ZC3H12C: variants seen among roughly 807,000 people sequenced by gnomAD.
ZC3H12C encodes the protein probable ribonuclease ZC3H12C.
Under a neutral mutation model 76.3 loss-of-function variants are expected in ZC3H12C, and 20 were observed. The ratio of observed to expected loss-of-function variants is 0.26; its 90% CI spans 0.18 to 0.38. ZC3H12C has a LOEUF of 0.38. ZC3H12C is among the 10% of genes least tolerant of loss of function. ZC3H12C has a pLI of 1.00. For missense variants in ZC3H12C, 874 were observed against 1,086.5 expected (o/e 0.80, Z 2.75); for synonymous variants, 352 against 399.6 (o/e 0.88, Z 1.42).
rs1048229303 is a variant in ZC3H12C, at chr11:110,124,754, T to C, written c.22-11909T>C. ...ACAGGGCCAGAGGAGGCCCCGTTTG[T>C]AGATGGAGCCTCGAAAACAAAACAA... is the stretch of plus-strand genomic sequence containing the variant. On this transcript the variant is annotated intron_variant, in intron 1 of 5. Transcript: ENST00000278590. Among the ~76,000 whole-genome samples, 42 of 152,050 alleles carry C rather than the reference T, an allele frequency of 2.8e-4. 3 individuals carry two copies.
intron 1 of ZC3H12C, among the ~76,000 whole-genome samples, chr11:110,125,605 A>G (rs1041924800): frequency 2.0e-5 from 3 of 152,306 alleles, no homozygotes; most frequent in Admixed American, 2.0e-4. Context: ...GGCGTGAGCC[A>G]CCATGGCCAG....
intron 1 of ZC3H12C, among the ~76,000 whole-genome samples, chr11:110,128,729 G>A (rs1861802199): frequency 6.6e-6 from 1 of 151,910 alleles, no homozygotes; most frequent in Non-Finnish European, 1.5e-5. Flanking sequence ...ACTTTGTGTG[G>A]ATATATGTTA....
chr11:110,102,849 C>T (rs993571223), intron 1 of ZC3H12C, among the ~76,000 whole-genome samples: 6 of 152,198 alleles, frequency 3.9e-5, no homozygotes, highest in African/African-American at 1.4e-4. Context: ...GACCTTTCAC[C>T]AGCAAAAGGA....
rs558623442 is a variant in ZC3H12C at position 110,112,700 on chromosome 11, T to A, written c.21+19268T>A. The stretch of plus-strand genomic sequence containing the variant: ...AGGCCCTTTTCCTTGCCTTTCACTC[T>A]CCACTCCCAGTCAGTCCTGGCTCAC... On this transcript the variant is annotated intron_variant, in intron 1 of 5. Coordinates refer to ENST00000278590, the MANE Select transcript of ZC3H12C (RefSeq NM_033390.2). Among the ~76,000 whole-genome samples the A allele has an allele frequency of 4.6e-5, 7 of 152,268 alleles. No homozygotes were observed. The South Asian group carries it at 1.5e-3, about 32-fold the overall frequency.
chr11:110,113,456 G>T (rs1046791483), intron 1 of ZC3H12C, among the ~76,000 whole-genome samples: 5 of 139,542 alleles, frequency 3.6e-5, no homozygotes, highest in East Asian at 2.2e-4. Context: ...TTAGTAAAAA[G>T]CACATATTTT....
chr11:110,152,437 C>T (rs1862289043), intron 2 of ZC3H12C, among the ~76,000 whole-genome samples: 1 of 152,154 alleles, frequency 6.6e-6, no homozygotes, highest in Non-Finnish European at 1.5e-5. Flanking sequence ...AAAGTTTGTG[C>T]AGTATTCAGT....
At chr11:110,116,637 A>G (rs944687640) in intron 1 of ZC3H12C, among the ~76,000 whole-genome samples, 2 of 152,126 alleles carry the variant, frequency 1.3e-5, no homozygotes, top group South Asian at 2.1e-4. Context: ...CAGGTTTTCT[A>G]TTTTTCTGTA....
intron 1 of ZC3H12C, among the ~76,000 whole-genome samples, chr11:110,126,219 T>C (rs615090): frequency 0.073 from 2,368 of 32,586 alleles, 107 homozygotes; most frequent in East Asian, 0.1. Flanking sequence ...TTTTCTTCTT[T>C]TTTTTTTTTT....
chr11:110,094,344 T>A (rs796150151), intron 1 of ZC3H12C, among the ~76,000 whole-genome samples: 10 of 152,262 alleles, frequency 6.6e-5, no homozygotes, highest in Non-Finnish European at 1.0e-4. Flanking sequence ...AGACTTTTTT[T>A]AAACCATTTT....
intron 1 of ZC3H12C, among the ~76,000 whole-genome samples, chr11:110,120,511 G>A (rs970007433): frequency 2.6e-4 from 39 of 152,158 alleles, no homozygotes; most frequent in African/African-American, 9.4e-4. Flanking sequence ...CAAAGAAAAG[G>A]ACACTTGACT....
chr11:110,116,291 T>C (rs897657033), intron 1 of ZC3H12C, among the ~76,000 whole-genome samples: 3 of 150,866 alleles, frequency 2.0e-5, no homozygotes, highest in African/African-American at 4.9e-5. Flanking sequence ...CCCAGCACTT[T>C]AATCTTCAAT....
chr11:110,094,904 CAA>C (rs372560406), intron 1 of ZC3H12C, among the ~76,000 whole-genome samples: 108 of 152,214 alleles, frequency 7.1e-4, no homozygotes, highest in African/African-American at 2.6e-3. Context: ...ATCTTACTTT[CAA>C]AGTAAGTTAC....
At chr11:110,093,544 C>T (rs1241481468) in intron 1 of ZC3H12C, 112 bp downstream of exon 1, 7 of 792,118 alleles carry the variant, frequency 8.8e-6, no homozygotes, top group Non-Finnish European at 9.8e-6. Flanking sequence ...CGGAGGGCGC[C>T]GGGGCCGCAG....
intron 1 of ZC3H12C, among the ~76,000 whole-genome samples, chr11:110,119,923 A>G (rs780381547): frequency 7.9e-5 from 12 of 152,196 alleles, no homozygotes; most frequent in Admixed American, 6.5e-4. Flanking sequence ...TTTCCAATAT[A>G]TGAATTTTGC....
At chr11:110,143,021 G>A (rs2134182531) in intron 2 of ZC3H12C, among the ~76,000 whole-genome samples, 1 of 152,250 alleles carries the variant, frequency 6.6e-6, no homozygotes, top group South Asian at 2.1e-4. Flanking sequence ...TTTAGCTTCA[G>A]AATGATTTTG....
intron 2 of ZC3H12C, among the ~76,000 whole-genome samples, chr11:110,149,394 G>A (rs1474418891): frequency 2.0e-5 from 3 of 152,186 alleles, no homozygotes; most frequent in African/African-American, 7.2e-5. Context: ...CTAATTTCGA[G>A]TTCCTGTGGG....
intron 1 of ZC3H12C, among the ~76,000 whole-genome samples, chr11:110,133,839 A>G (rs115092441): frequency 0.017 from 2,604 of 152,254 alleles, 70 homozygotes; most frequent in African/African-American, 0.058. Context: ...AATACCTTTT[A>G]AAGTGATTGA....
intron 2 of ZC3H12C, among the ~76,000 whole-genome samples, chr11:110,141,213 C>T (rs537867824): frequency 1.3e-5 from 2 of 151,932 alleles, no homozygotes; most frequent in East Asian, 3.9e-4. Flanking sequence ...AAAGTTTGAA[C>T]AGAAATCAGA....
chr11:110,095,742 T>C (rs2134138608), intron 1 of ZC3H12C, among the ~76,000 whole-genome samples: 1 of 152,234 alleles, frequency 6.6e-6, no homozygotes, highest in African/African-American at 2.4e-5. Flanking sequence ...TTTGAGTAGG[T>C]AGAGCTGGTT....
Sources: gnomAD v4.1 joint callset for allele counts (sites outside exome capture counted in the v4.1 genomes callset) on GRCh38, gnomAD v4.1.1 for gene constraint, MANE v1.5 for transcripts, NCBI Gene and HGNC (gene_info 2026-07-23, HGNC 2026-07-21) for gene names.